ZFAND3: variants seen among roughly 807,000 people sequenced by gnomAD.
ZFAND3 encodes AN1-type zinc finger protein 3.
Under a neutral mutation model 29.6 loss-of-function variants are expected in ZFAND3, and 10 were observed. The ratio of observed to expected loss-of-function variants is 0.34; its 90% CI spans 0.21 to 0.57. ZFAND3 has a LOEUF of 0.57. ZFAND3 is among the 20% of genes least tolerant of loss of function. The pLI is 0.86. For synonymous variants in ZFAND3, 128 were observed against 112.6 expected (o/e 1.14, Z -0.87); for missense variants, 230 against 304.5 (o/e 0.76, Z 1.82).
intron 1 of ZFAND3, among the ~76,000 whole-genome samples, chr6:37,848,865 G>T (rs572255554): frequency 1.3e-5 from 2 of 152,188 alleles, no homozygotes; most frequent in African/African-American, 2.4e-5. Context: ...GACAATTATA[G>T]ACAGGCATAA....
In ZFAND3 at chr6:37,956,736, T is replaced by C. The variant is rs111309475; in HGVS notation, c.112+26737T>C. ...GTGCTCATAGTTTTGCATATATTTC[T>C]AAGGAGGTTCATGAATTTTATTGAG... On this transcript the variant is annotated intron_variant, in intron 2 of 5. Transcript: ENST00000287218. Among the ~76,000 whole-genome samples, 73 of 152,336 alleles carry C rather than the reference T, an allele frequency of 4.8e-4. 1 individual carries two copies. The highest frequency in any genetic ancestry group is 9.9e-4 in the African/African-American group (41 of 41,572).
intron 1 of ZFAND3, among the ~76,000 whole-genome samples, chr6:37,854,155 T>C (rs1764333682): frequency 1.3e-5 from 2 of 152,096 alleles, no homozygotes; most frequent in South Asian, 4.2e-4. Flanking sequence ...TTTTCCATGT[T>C]GGTCAGGCTG....
At position 38,144,190 on chromosome 6, in the gene ZFAND3, TATATATATATATATATATATAATATATA is replaced by T. The variant is rs1168784657; in HGVS notation, c.530-8030_530-8003del. On this transcript the variant is annotated intron_variant, in intron 5 of 5. Transcript: ENST00000287218. ...AAATGTGATATATATATATAATATATATATATATATATATATATATAATATATAATATATATATATATTTTTTTTTTAA... is the reference window on the plus strand; with the variant it reads ...AAATGTGATATATATATATAATATATATATATATATATATTTTTTTTTTAA... Among the ~76,000 whole-genome samples the T allele has an allele frequency of 5.6e-3, 229 of 41,152 alleles. 9 individuals are homozygous for T. The highest frequency in any genetic ancestry group is 0.023 in the African/African-American group (178 of 7,740). The allele number at this position is 41,152 out of a possible 152,430, so 27.0% of individuals were successfully genotyped here.
intron 2 of ZFAND3, among the ~76,000 whole-genome samples, chr6:38,015,653 A>G (rs1401264120): frequency 6.6e-6 from 1 of 152,234 alleles, no homozygotes; most frequent in Non-Finnish European, 1.5e-5. Context: ...TTAAAAAACA[A>G]GTTTCTGAAT....
chr6:38,037,111 A>AT (rs1189291603), intron 2 of ZFAND3, among the ~76,000 whole-genome samples: 1 of 152,232 alleles, frequency 6.6e-6, no homozygotes, highest in Non-Finnish European at 1.5e-5. Flanking sequence ...AACTCAACAC[A>AT]TTCTTTGAGC....
intron 1 of ZFAND3, among the ~76,000 whole-genome samples, chr6:37,911,615 T>C (rs1240595810): frequency 6.6e-6 from 1 of 152,218 alleles, no homozygotes; most frequent in Admixed American, 6.5e-5. Flanking sequence ...TTTTGATCTG[T>C]TCAAAGCAGT....
chr6:37,831,277 A>G (rs900958584), intron 1 of ZFAND3, among the ~76,000 whole-genome samples: 1 of 152,218 alleles, frequency 6.6e-6, no homozygotes, highest in African/African-American at 2.4e-5. Context: ...AGATTAGTAA[A>G]TACAGAACTA....
chr6:38,045,301 C>A (rs1763881065), intron 2 of ZFAND3, among the ~76,000 whole-genome samples: 1 of 151,908 alleles, frequency 6.6e-6, no homozygotes, highest in Non-Finnish European at 1.5e-5. Flanking sequence ...ATTTGCCAGG[C>A]TGGTCTCAAA....
chr6:37,864,457 C>CT (rs1263162863), intron 1 of ZFAND3, among the ~76,000 whole-genome samples: 6 of 152,132 alleles, frequency 3.9e-5, no homozygotes, highest in African/African-American at 1.4e-4. Context: ...TAATTGCACA[C>CT]TTATCTGGGG....
chr6:38,148,528 G>A (rs972939934), intron 5 of ZFAND3, among the ~76,000 whole-genome samples: 1 of 152,150 alleles, frequency 6.6e-6, no homozygotes, highest in Non-Finnish European at 1.5e-5. Context: ...AATCCTCTGT[G>A]TTTTAAAACT....
At chr6:37,830,606 A>G (rs1650030139) in intron 1 of ZFAND3, among the ~76,000 whole-genome samples, 1 of 152,226 alleles carries the variant, frequency 6.6e-6, no homozygotes, top group Non-Finnish European at 1.5e-5. Context: ...CTAAGACCAT[A>G]GATACCTTCT....
chr6:37,945,729 G>A (rs575159661), intron 2 of ZFAND3, among the ~76,000 whole-genome samples: 6 of 152,156 alleles, frequency 3.9e-5, no homozygotes, highest in African/African-American at 1.4e-4. Context: ...ACACCATATG[G>A]TTTAATCTTT....
intron 2 of ZFAND3, among the ~76,000 whole-genome samples, chr6:37,999,930 T>G (rs944470605): frequency 6.6e-6 from 1 of 152,112 alleles, no homozygotes; most frequent in African/African-American, 2.4e-5. Flanking sequence ...GGCTCCTGAG[T>G]ATATGGGAAT....
At chr6:37,845,857 T>G (rs1032506501) in intron 1 of ZFAND3, among the ~76,000 whole-genome samples, 5 of 152,218 alleles carry the variant, frequency 3.3e-5, no homozygotes, top group African/African-American at 4.8e-5. Context: ...AGCTTATCCT[T>G]CATGATGTTT....
intron 2 of ZFAND3, among the ~76,000 whole-genome samples, chr6:37,993,473 C>T (rs939810631): frequency 1.3e-5 from 2 of 152,184 alleles, no homozygotes; most frequent in South Asian, 2.1e-4. Flanking sequence ...ATTACAGGCG[C>T]GTGCCACCAT....
chr6:38,118,775 A>C (rs532485696), intron 5 of ZFAND3, among the ~76,000 whole-genome samples: 102 of 151,604 alleles, frequency 6.7e-4, no homozygotes, highest in African/African-American at 2.3e-3. Flanking sequence ...AAAAAAAAAA[A>C]AACAGTAATA....
intron 4 of ZFAND3, among the ~76,000 whole-genome samples, chr6:38,111,296 A>G (rs1025263586): frequency 2.6e-5 from 4 of 152,220 alleles, no homozygotes; most frequent in African/African-American, 9.6e-5. Flanking sequence ...ATTTGGGAAA[A>G]AATGGATGAT....
At chr6:37,840,812 CTT>C (rs76428554) in intron 1 of ZFAND3, among the ~76,000 whole-genome samples, 45,459 of 151,948 alleles carry the variant, frequency 0.3, 7,488 homozygotes, top group Non-Finnish European at 0.38. Flanking sequence ...ACCAGAAACT[CTT>C]TTTTAAGTTG....
At chr6:37,950,632 G>A (rs1761982423) in intron 2 of ZFAND3, among the ~76,000 whole-genome samples, 1 of 152,076 alleles carries the variant, frequency 6.6e-6, no homozygotes, top group African/African-American at 2.4e-5. Flanking sequence ...ACCCACCTCG[G>A]CCTCCCAAAG....
Sources: gnomAD v4.1 joint callset for allele counts (sites outside exome capture counted in the v4.1 genomes callset) on GRCh38, gnomAD v4.1.1 for gene constraint, MANE v1.5 for transcripts, NCBI Gene and HGNC (gene_info 2026-07-23, HGNC 2026-07-21) for gene names.